The following ADAM2 variants were observed in gnomAD, a reference collection of about 807,000 sequenced individuals.
The protein encoded by ADAM2 is disintegrin and metalloproteinase domain-containing protein 2.
ADAM2 carries 101 observed loss-of-function variants against 99.3 expected under a neutral mutation model. The ratio of observed to expected loss-of-function variants is 1.02; its 90% CI spans 0.87 to 1.20. ADAM2 has a LOEUF of 1.20. Among genes scored for constraint, ADAM2 ranks in the 50% most tolerant of loss-of-function variants. The pLI, the probability that ADAM2 is intolerant of heterozygous loss-of-function variation, is 0.00. For synonymous variants in ADAM2, 323 were observed against 287.6 expected (o/e 1.12, Z -1.25); for missense variants, 948 against 878.7 (o/e 1.08, Z -1.00).
At chr8:39,832,532 T>G (rs1040525046) in intron 3 of ADAM2, among the ~76,000 whole-genome samples, 2 of 152,238 alleles carry the variant, frequency 1.3e-5, no homozygotes, top group African/African-American at 4.8e-5. Flanking sequence ...TGAATTTTAC[T>G]TTATTATACA....
intron 8 of ADAM2, 36 bp from the exon 9 acceptor site, chr8:39,788,287 TCA>T (rs751434974): frequency 5.2e-6 from 7 of 1,345,876 alleles, no homozygotes; most frequent in South Asian, 3.2e-5. Context: ...TGCTCAAAAG[TCA>T]CAGTTTTTAA....
In ADAM2 at chr8:39,755,879, T is replaced by G. The variant is rs761001567; in HGVS notation, c.1646A>C (p.Tyr549Ser). The G allele has an allele frequency of 5.1e-6, 8 of 1,570,226 alleles. No homozygotes were observed. The South Asian group carries it at 8.0e-5, about 16-fold the overall frequency. ...NLQCGKLICK[Y>S]VGKFLLQIPR... ...AATTTGTAATAAAAATTTACCTACATATTTACATATTAATTTTCCGCACTG... is the reference window on the plus strand; with the variant it reads ...AATTTGTAATAAAAATTTACCTACAGATTTACATATTAATTTTCCGCACTG... The change falls in exon 16 of 21, where the codon TAT becomes TCT. Residue 549 changes from tyrosine (Y) to serine (S), a missense_variant. Physicochemically the swap from Tyr to Ser is moderately radical, Grantham distance 144 (BLOSUM62 -2). Transcript: ENST00000265708.
At chr8:39,749,847 AG>A (rs1823650377) in intron 16 of ADAM2, 103 bp from the exon 17 acceptor site, 4 of 795,188 alleles carry the variant, frequency 5.0e-6, no homozygotes, top group South Asian at 3.4e-5. Context: ...ACTAATAAAA[AG>A]GGTATTGATT....
intron 16 of ADAM2, 105 bp downstream of exon 16, chr8:39,755,623 G>A: frequency 1.3e-6 from 1 of 796,880 alleles, no homozygotes; most frequent in East Asian, 2.9e-5. Context: ...GCAGTGAGCA[G>A]AGATCACACC....
intron 16 of ADAM2, among the ~76,000 whole-genome samples, chr8:39,753,634 C>T (rs1259473455): frequency 6.6e-6 from 1 of 152,182 alleles, no homozygotes; most frequent in African/African-American, 2.4e-5. Flanking sequence ...GGTCCCCCTG[C>T]TCTATACTGC....
intron 15 of ADAM2, among the ~76,000 whole-genome samples, chr8:39,756,516 A>G (rs1370196199): frequency 6.6e-6 from 1 of 152,192 alleles, no homozygotes; most frequent in Non-Finnish European, 1.5e-5. Flanking sequence ...CCATTGCTAC[A>G]TCAGAAGATT....
chr8:39,832,456 C>T (rs886551894), intron 3 of ADAM2, among the ~76,000 whole-genome samples: 7 of 152,132 alleles, frequency 4.6e-5, no homozygotes, highest in African/African-American at 1.7e-4. Flanking sequence ...TATGCTGTCC[C>T]ATCCCATAAT....
chr8:39,776,699 C>G (rs913215540), intron 11 of ADAM2, among the ~76,000 whole-genome samples: 6 of 152,106 alleles, frequency 3.9e-5, no homozygotes, highest in African/African-American at 1.4e-4. Context: ...CTCATGCAGA[C>G]AAGTTCATAC....
chr8:39,787,182 G>C, intron 9 of ADAM2, 127 bp from the exon 10 acceptor site: 1 of 469,008 alleles, frequency 2.1e-6, no homozygotes, highest in Non-Finnish European at 3.8e-6. Context: ...CATAGCATAA[G>C]ATGTGACTAA....
At chr8:39,838,096 T>TC (rs1275033823) in intron 1 of ADAM2, 35 bp downstream of exon 1, 2 of 1,610,826 alleles carry the variant, frequency 1.2e-6, no homozygotes, top group African/African-American at 2.7e-5. Context: ...GCGCTGAGGG[T>TC]CCCAAAAGGC....
intron 15 of ADAM2, 66 bp from the exon 16 acceptor site, chr8:39,755,977 A>T: frequency 2.2e-6 from 2 of 891,238 alleles, no homozygotes; most frequent in Non-Finnish European, 3.3e-6. Context: ...TATAATTTTT[A>T]AAATAGATAG....
chr8:39,784,595 A>G (rs1803379150), intron 10 of ADAM2, among the ~76,000 whole-genome samples: 1 of 152,174 alleles, frequency 6.6e-6, no homozygotes. Flanking sequence ...CCATGCTGGA[A>G]GCCCGCCCTG....
intron 16 of ADAM2, among the ~76,000 whole-genome samples, chr8:39,752,408 G>T (rs372909): frequency 6.6e-6 from 1 of 152,090 alleles, no homozygotes; most frequent in Non-Finnish European, 1.5e-5. Context: ...AGTCAAAATG[G>T]TAGAAAATTT....
At chr8:39,759,822 A>G (rs1214664690) in intron 15 of ADAM2, among the ~76,000 whole-genome samples, 2 of 152,194 alleles carry the variant, frequency 1.3e-5, no homozygotes, top group African/African-American at 2.4e-5. Context: ...ATAAAATTTT[A>G]CAGCAAAGGA....
intron 10 of ADAM2, among the ~76,000 whole-genome samples, chr8:39,785,819 A>T (rs1345271637): frequency 6.6e-6 from 1 of 151,480 alleles, no homozygotes; most frequent in African/African-American, 2.4e-5. Context: ...AAAAAGAAAG[A>T]CAGAAAGAAA....
chr8:39,783,239 C>T (rs1479703107), intron 10 of ADAM2, among the ~76,000 whole-genome samples: 1 of 152,056 alleles, frequency 6.6e-6, no homozygotes, highest in Non-Finnish European at 1.5e-5. Flanking sequence ...TTATTTCTCA[C>T]CATATTATTT....
In ADAM2 at chr8:39,809,742, C is replaced by T. The variant is rs191954509; in HGVS notation, c.514-276G>A. Among the ~76,000 whole-genome samples the T allele has an allele frequency of 8.2e-4, 124 of 152,112 alleles. 1 individual carries two copies. The highest frequency in any genetic ancestry group is 1.8e-3 in the Admixed American group (28 of 15,244). ...GGTTCCAAGCTATTCATATTATTCT[C>T]TCTTTTACCAGGCCTGCCTTACAAG... On this transcript the variant is annotated intron_variant, in intron 6 of 20. Coordinates refer to ENST00000265708, the MANE Select transcript of ADAM2 (RefSeq NM_001464.5).
At chr8:39,805,375 A>G (rs1804395386) in intron 7 of ADAM2, among the ~76,000 whole-genome samples, 1 of 152,190 alleles carries the variant, frequency 6.6e-6, no homozygotes, top group South Asian at 2.1e-4. Flanking sequence ...TACAAAGCCA[A>G]TGAAAAGCAA....
At chr8:39,775,030 C>T (rs1380385206) in intron 11 of ADAM2, among the ~76,000 whole-genome samples, 1 of 151,974 alleles carries the variant, frequency 6.6e-6, no homozygotes, top group Non-Finnish European at 1.5e-5. Context: ...TCGATATCAG[C>T]ATGTATTATT....
Sources: allele counts gnomAD v4.1 joint callset (sites outside exome capture counted in the v4.1 genomes callset), GRCh38; gene constraint gnomAD v4.1.1; transcripts MANE v1.5; gene names NCBI Gene and HGNC (gene_info 2026-07-23, HGNC 2026-07-21).